EIF5A: variants seen among roughly 807,000 people sequenced by gnomAD.
EIF5A encodes the protein eukaryotic translation initiation factor 5A, also known as eukaryotic translation initiation factor 5A-1.
EIF5A carries 1 observed loss-of-function variant against 16.6 expected under a neutral mutation model. The ratio of observed to expected loss-of-function variants is 0.06; its 90% CI spans 0.02 to 0.28. EIF5A has a LOEUF of 0.28. Ranked by LOEUF, EIF5A falls within the 10% of genes least tolerant of loss-of-function variation. EIF5A has a pLI of 1.00. For synonymous variants in EIF5A, 80 were observed against 73.6 expected (o/e 1.09, Z -0.44); for missense variants, 29 against 196.1 (o/e 0.15, Z 5.09).
rs769345872 is a variant in EIF5A at position 7,311,500 on chromosome 17, T to C, written c.402+19T>C. 5 of 1,614,022 alleles carry C rather than the reference T, an allele frequency of 3.1e-6. No homozygotes were observed. The South Asian group carries it at 5.5e-5, about 18-fold the overall frequency. On this transcript the variant is annotated intron_variant, in intron 4 of 5. Coordinates refer to ENST00000336458, the MANE Select transcript of EIF5A (RefSeq NM_001970.5). ...GATCCTGGTATGGTGCCTCCCTCCC[T>C]GCTTCTGTGCTCAGCTTTGTTCTGT...
chr17:7,309,830 C>A, intron 2 of EIF5A, 30 bp downstream of exon 2: 2 of 1,614,232 alleles, frequency 1.2e-6, no homozygotes, highest in South Asian at 2.2e-5. Context: ...ATCTTGCCTT[C>A]CCCATGCCTC....
At chr17:7,309,960 C>T in intron 2 of EIF5A, 160 bp downstream of exon 2, 1 of 1,544,742 alleles carries the variant, frequency 6.5e-7, no homozygotes, top group African/African-American at 1.4e-5. Context: ...CAGACAACTA[C>T]ACCTGCTCCC....
chr17:7,309,449 G>C (rs933521060), intron 1 of EIF5A, 166 bp from the exon 2 acceptor site: 3 of 865,934 alleles, frequency 3.5e-6, no homozygotes, highest in Admixed American at 5.4e-5. Flanking sequence ...ACCAGTTCTT[G>C]AGTATATTTG....
At chr17:7,307,186 A>C (rs2072648921), upstream of EIF5A, 4 of 1,481,578 alleles carry the variant, frequency 2.7e-6, no homozygotes, top group South Asian at 5.2e-5. Flanking sequence ...AGACGAGACA[A>C]GTGATCTAGC....
At chr17:7,307,228 C>T, upstream of EIF5A, 1 of 1,306,958 alleles carries the variant, frequency 7.7e-7, no homozygotes, top group South Asian at 1.5e-5. Flanking sequence ...GGCGTACTGA[C>T]GGCGTCTGAG....
chr17:7,308,391 G>T (rs1443293328), intron 1 of EIF5A: 15 of 1,227,390 alleles, frequency 1.2e-5, no homozygotes, highest in Admixed American at 5.8e-5. Context: ...GCAGCCCCTA[G>T]CGCGGGGAGC....
intron 2 of EIF5A, 72 bp from the exon 3 acceptor site, chr17:7,310,946 A>G: frequency 6.6e-7 from 1 of 1,525,492 alleles, no homozygotes. Flanking sequence ...TCATCAGGCA[A>G]GGTCAATTTG....
chr17:7,308,619 AACAGGGCGTTTGG>A (rs1323614087), intron 1 of EIF5A: 1 of 1,345,740 alleles, frequency 7.4e-7, no homozygotes, highest in Admixed American at 1.9e-5. Context: ...GAAATGGGGA[AACAGGGCGTTTGG>A]ACAGGAGCCC....
chr17:7,307,094 C>T (rs765969535), upstream of EIF5A: 17 of 1,601,842 alleles, frequency 1.1e-5, no homozygotes, highest in Non-Finnish European at 1.4e-5. Flanking sequence ...GCCCACCCCA[C>T]AGAGCAAGTT....
intron 3 of EIF5A, 78 bp from the exon 4 acceptor site, chr17:7,311,272 T>G: frequency 6.2e-7 from 1 of 1,608,846 alleles, no homozygotes. Flanking sequence ...TCAGTCCAGT[T>G]TGTCTATCAG....
intron 1 of EIF5A, chr17:7,307,968 C>T: frequency 3.0e-6 from 3 of 984,618 alleles, no homozygotes; most frequent in Non-Finnish European, 3.6e-6. Flanking sequence ...TGGAGCGACG[C>T]AGGGCGGGGG....
chr17:7,310,167 C>A (rs1383694873), intron 2 of EIF5A: 1 of 1,296,250 alleles, frequency 7.7e-7, no homozygotes, highest in Admixed American at 2.3e-5. Flanking sequence ...GCTTCCATCA[C>A]GTTGCCCAGG....
upstream of EIF5A, chr17:7,307,624 C>A: frequency 9.7e-7 from 1 of 1,027,826 alleles, no homozygotes; most frequent in Non-Finnish European, 1.2e-6. Flanking sequence ...GAGTCGGCGC[C>A]TGCGTACTAA....
At chr17:7,311,676 T>G in intron 5 of EIF5A, 25 bp downstream of exon 5, 1 of 1,613,430 alleles carries the variant, frequency 6.2e-7, no homozygotes, top group African/African-American at 1.3e-5. Flanking sequence ...TCCCTCACTG[T>G]CCCCTTCACA....
intron 5 of EIF5A, 57 bp from the exon 6 acceptor site, chr17:7,311,765 C>T (rs1448228686): frequency 7.6e-7 from 1 of 1,323,920 alleles, no homozygotes; most frequent in Non-Finnish European, 1.1e-6. Context: ...CTCTGTCCTC[C>T]CTATCCTTCC....
chr17:7,310,685 TC>T, intron 2 of EIF5A: 2 of 985,444 alleles, frequency 2.0e-6, no homozygotes, highest in Non-Finnish European at 2.4e-6. Flanking sequence ...TCTCCTGGTG[TC>T]CGGAAAACTC....
rs892802696 is a variant in EIF5A, at chr17:7,312,393, G to A, written c.*583G>A. The stretch of plus-strand genomic sequence containing the variant: ...CCCCATGGGCTTTACCCTTCCCTGC[G>A]GGCTCTCTCCCCGACACATTTGTTA... On this transcript the variant is annotated 3_prime_UTR_variant, in exon 6 of 6. Transcript: ENST00000336458. 4 of 229,614 alleles carry A rather than the reference G, an allele frequency of 1.7e-5. No individual in the cohort carries two copies. The highest frequency in any genetic ancestry group is 1.4e-4 in the East Asian group (1 of 7,358). The allele number at this position is 229,614 out of a possible 1,614,324, so 14.2% of individuals were successfully genotyped here.
In EIF5A at chr17:7,308,223, C is replaced by T. The variant is rs1031795040; in HGVS notation, c.-22+471C>T. 4.9e-6 allele frequency: 5 copies of T among 1,022,028 alleles called. No individual in the cohort carries two copies. In the African/African-American group the frequency reaches 8.8e-5, roughly 18 times the overall value. 63.3% of individuals were successfully genotyped at this position (1,022,028 alleles called of 1,614,324 possible). The stretch of plus-strand genomic sequence containing the variant: ...CCTGGCGCAGTCTCTGAGGAGGGGG[C>T]GGCCGCGGCACCGGAAGTGCCCCCC... On this transcript the variant is annotated intron_variant, in intron 1 of 5. Coordinates refer to ENST00000336458, the MANE Select transcript of EIF5A (RefSeq NM_001970.5).
rs143141577 is a variant in EIF5A, at chr17:7,308,515, C to T, written c.-22+763C>T. The T allele has an allele frequency of 1.9e-3, 2,627 of 1,351,490 alleles. 4 individuals carry two copies. The highest frequency in any genetic ancestry group is 2.3e-3 in the Non-Finnish European group (2,309 of 1,021,524). 83.7% of individuals were successfully genotyped at this position (1,351,490 alleles called of 1,614,324 possible). On this transcript the variant is annotated intron_variant, in intron 1 of 5. Transcript: ENST00000336458. Reference sequence around the variant, plus strand: ...CAGGCATATGTTAGCGCTTCCCAACCTCAAGGGCCCCAGGAGCTTTCCTGA... The same window carrying T: ...CAGGCATATGTTAGCGCTTCCCAACTTCAAGGGCCCCAGGAGCTTTCCTGA...
Sources: allele counts gnomAD v4.1 joint callset, GRCh38; gene constraint gnomAD v4.1.1; transcripts MANE v1.5; gene names NCBI Gene and HGNC (gene_info 2026-07-23, HGNC 2026-07-21).